MSRA: variants seen among roughly 807,000 people sequenced by gnomAD.
MSRA encodes methionine sulfoxide reductase A, also known as mitochondrial peptide methionine sulfoxide reductase.
MSRA carries 54 observed loss-of-function variants against 31.3 expected under a neutral mutation model. That is an observed-to-expected ratio of 1.73 (90% CI 1.39 to 2.17). MSRA has a LOEUF of 2.17. Ranked by LOEUF, MSRA falls within the 30% of genes most tolerant of loss-of-function variation. The probability of loss-of-function intolerance (pLI) is 0.00; values close to 1 mark genes in which losing one functional copy is unlikely to be tolerated. For missense variants in MSRA, 507 were observed against 300.9 expected (o/e 1.69, Z -5.07); for synonymous variants, 169 against 116.5 (o/e 1.45, Z -2.90).
chr8:10,301,385 A>G (rs1800834700), intron 3 of MSRA, 149 bp from the exon 4 acceptor site: 1 of 612,870 alleles, frequency 1.6e-6, no homozygotes, highest in Non-Finnish European at 2.9e-6. Flanking sequence ...GCCTTGAGAG[A>G]GACTCTTAGC....
chr8:10,414,832 A>C (rs1287269381), intron 5 of MSRA, among the ~76,000 whole-genome samples: 1 of 152,188 alleles, frequency 6.6e-6, no homozygotes, highest in Admixed American at 6.5e-5. Flanking sequence ...CAAAAATCAG[A>C]AGTTGTAGTT....
chr8:10,290,578 C>T (rs569120582), intron 3 of MSRA, among the ~76,000 whole-genome samples: 3 of 152,268 alleles, frequency 2.0e-5, no homozygotes, highest in East Asian at 1.9e-4. Context: ...CCAGGCCTGC[C>T]CCCAGCTCTC....
At chr8:10,288,701 A>C (rs1800069074) in intron 3 of MSRA, among the ~76,000 whole-genome samples, 1 of 152,194 alleles carries the variant, frequency 6.6e-6, no homozygotes, top group African/African-American at 2.4e-5. Flanking sequence ...TTAGACTAAA[A>C]ATGTACTTAC....
At chr8:10,074,794 G>C (rs193146610) in intron 1 of MSRA, among the ~76,000 whole-genome samples, 2 of 152,248 alleles carry the variant, frequency 1.3e-5, no homozygotes, top group East Asian at 1.9e-4. Context: ...AAGTAGCTGA[G>C]GTTACAGGCA....
At chr8:10,066,889 T>C (rs1045239422) in intron 1 of MSRA, among the ~76,000 whole-genome samples, 37 of 151,548 alleles carry the variant, frequency 2.4e-4, no homozygotes, top group Non-Finnish European at 4.0e-4. Context: ...TTTTTTTTTT[T>C]CGAGCAGTTT....
intron 3 of MSRA, among the ~76,000 whole-genome samples, chr8:10,295,440 G>A (rs964930773): frequency 2.6e-5 from 4 of 152,142 alleles, no homozygotes; most frequent in Non-Finnish European, 5.9e-5. Context: ...CACAGACCAC[G>A]TGGGCCTAGA....
chr8:10,068,749 G>A (rs1237598650), intron 1 of MSRA, among the ~76,000 whole-genome samples: 2 of 152,106 alleles, frequency 1.3e-5, no homozygotes, highest in African/African-American at 2.4e-5. Context: ...TTAATATTGA[G>A]TTAGCTATTC....
chr8:10,403,500 C>T (rs7825778), intron 5 of MSRA, among the ~76,000 whole-genome samples: 63,504 of 152,002 alleles, frequency 0.42, 15,629 homozygotes, highest in Non-Finnish European at 0.56. Context: ...AGAGCCTGGG[C>T]GAGAGAATTG....
intron 4 of MSRA, among the ~76,000 whole-genome samples, chr8:10,305,616 G>A (rs148828626): frequency 1.3e-5 from 2 of 152,130 alleles, no homozygotes; most frequent in South Asian, 2.1e-4. Context: ...GTTTCACCAT[G>A]TTGGTCAGCC....
intron 1 of MSRA, among the ~76,000 whole-genome samples, chr8:10,198,545 C>T (rs1245111338): frequency 6.6e-6 from 1 of 152,120 alleles, no homozygotes; most frequent in Non-Finnish European, 1.5e-5. Context: ...AATTCTTTGT[C>T]TCAATTCTGA....
chr8:10,345,048 C>G (rs529333285), intron 5 of MSRA, among the ~76,000 whole-genome samples: 12 of 152,274 alleles, frequency 7.9e-5, no homozygotes, highest in African/African-American at 2.6e-4. Flanking sequence ...ATCTCTCTCT[C>G]TTTCCATGGT....
rs182460366 is a variant in MSRA at position 10,244,833 on chromosome 8, T to C, written c.212-271T>C. 1.3e-4 allele frequency among the ~76,000 whole-genome samples: 20 copies of C among 152,346 alleles called. No individual in the cohort carries two copies. In the East Asian group the frequency reaches 3.3e-3, roughly 25 times the overall value. On this transcript the variant is annotated intron_variant, in intron 2 of 5. Coordinates refer to ENST00000317173, the MANE Select transcript of MSRA (RefSeq NM_012331.5). ...CCCCTTACTGTGTTATTTGGAAATG[T>C]GTAGATTTACTAACTCCTTTAAATT...
intron 5 of MSRA, among the ~76,000 whole-genome samples, chr8:10,416,613 C>T (rs1269182824): frequency 6.6e-6 from 1 of 152,158 alleles, no homozygotes; most frequent in Non-Finnish European, 1.5e-5. Context: ...GCTTACTGGC[C>T]AAAGCAGGTC....
At chr8:10,150,970 T>C (rs1416724158) in intron 1 of MSRA, among the ~76,000 whole-genome samples, 1 of 151,974 alleles carries the variant, frequency 6.6e-6, no homozygotes, top group Non-Finnish European at 1.5e-5. Context: ...GGTATTGATT[T>C]TATGGAGCAG....
intron 2 of MSRA, among the ~76,000 whole-genome samples, chr8:10,217,611 G>C (rs1432253995): frequency 4.6e-5 from 7 of 152,222 alleles, no homozygotes; most frequent in African/African-American, 1.7e-4. Flanking sequence ...ACAGGTCTCA[G>C]TTATGGCTAA....
intron 3 of MSRA, among the ~76,000 whole-genome samples, chr8:10,286,398 C>G (rs1799939957): frequency 6.6e-6 from 1 of 152,176 alleles, no homozygotes; most frequent in Non-Finnish European, 1.5e-5. Context: ...GGGAGTTTCC[C>G]TGCACAAGCA....
chr8:10,277,323 A>G lies in MSRA; in HGVS notation c.332-24211A>G, dbSNP rs183590817. Among the ~76,000 whole-genome samples the G allele has an allele frequency of 8.1e-4, 124 of 152,334 alleles. 1 individual carries two copies. Among genetic ancestry groups the G allele is most frequent in the South Asian group, 1.2e-3 (6 of 4,826 alleles). On this transcript the variant is annotated intron_variant, in intron 3 of 5. Transcript: ENST00000317173. ...TTCTTTATTATCAGAGCCAAAGAAC[A>G]CAGCTCTAGGAGTCAGTAACCCTGG...
chr8:10,130,712 T>C (rs1179742805), intron 1 of MSRA, among the ~76,000 whole-genome samples: 1 of 152,200 alleles, frequency 6.6e-6, no homozygotes, highest in African/African-American at 2.4e-5. Flanking sequence ...GGGGCTCTAT[T>C]TCTCACAGTG....
At chr8:10,261,877 A>C (rs1798504078) in intron 3 of MSRA, among the ~76,000 whole-genome samples, 1 of 152,148 alleles carries the variant, frequency 6.6e-6, no homozygotes, top group African/African-American at 2.4e-5. Flanking sequence ...CTCCACCCTC[A>C]CAAACCCCTG....
Sources: allele counts gnomAD v4.1 joint callset (sites outside exome capture counted in the v4.1 genomes callset), GRCh38; gene constraint gnomAD v4.1.1; transcripts MANE v1.5; gene names NCBI Gene and HGNC (gene_info 2026-07-23, HGNC 2026-07-21).